The following LINGO2 variants were observed in gnomAD, a reference collection of about 807,000 sequenced individuals.
LINGO2 encodes the protein leucine rich repeat and Ig domain containing 2.
A neutral mutation model predicts 30.6 loss-of-function variants in LINGO2; 14 were observed. The observed-to-expected ratio is 0.46, with a 90% CI of 0.30 to 0.72. The LOEUF is 0.72. Ranked by LOEUF, LINGO2 falls within the 30% of genes least tolerant of loss-of-function variation. The probability of loss-of-function intolerance (pLI) is 0.07; values close to 1 mark genes in which losing one functional copy is unlikely to be tolerated. For missense variants in LINGO2, 729 were observed against 751.7 expected, an observed-to-expected ratio of 0.97 and a Z score of 0.35; for synonymous variants, 317 against 288.5, an observed-to-expected ratio of 1.10 and a Z score of -1.00.
chr9:28,126,287 G>C (rs148091371), intron 4 of LINGO2, among the ~76,000 whole-genome samples: 2 of 152,168 alleles, frequency 1.3e-5, no homozygotes, highest in African/African-American at 2.4e-5. Context: ...CCTAGAATAA[G>C]TACTGAATCA....
the LINGO2 span, among the ~76,000 whole-genome samples, chr9:29,141,466 CAAAAT>C: frequency 6.7e-6 from 1 of 150,140 alleles, no homozygotes; most frequent in Non-Finnish European, 1.5e-5. Context: ...ACAAAAATAA[CAAAAT>C]GAAAAGAAAG....
chr9:28,563,473 T>C (rs1823209020), intron 1 of LINGO2, among the ~76,000 whole-genome samples: 1 of 152,144 alleles, frequency 6.6e-6, no homozygotes, highest in Admixed American at 6.5e-5. Flanking sequence ...AGACAAATTT[T>C]GGCAAGGAAA....
At chr9:28,024,382 G>T (rs1031278763) in intron 4 of LINGO2, among the ~76,000 whole-genome samples, 3 of 152,148 alleles carry the variant, frequency 2.0e-5, no homozygotes, top group Non-Finnish European at 4.4e-5. Context: ...TTGCACAAGG[G>T]AGGTTGAAGC....
At chr9:28,047,525 G>A (rs1824480698) in intron 4 of LINGO2, among the ~76,000 whole-genome samples, 1 of 150,810 alleles carries the variant, frequency 6.6e-6, no homozygotes, top group South Asian at 2.1e-4. Context: ...TAAGAGCATG[G>A]CCTTCAAAGA....
intron 3 of LINGO2, among the ~76,000 whole-genome samples, chr9:28,315,835 C>T (rs921525493): frequency 1.3e-5 from 2 of 152,166 alleles, no homozygotes; most frequent in African/African-American, 4.8e-5. Flanking sequence ...ATGAATATGA[C>T]ATTCAAAGTA....
At chr9:28,322,457 ACACACACACACACACACACACACG>A (rs1825079956) in intron 3 of LINGO2, among the ~76,000 whole-genome samples, 1 of 115,004 alleles carries the variant, frequency 8.7e-6, no homozygotes, top group East Asian at 3.5e-4. Context: ...ACACACACAC[ACACACACACACACACACACACACG>A]TTTACAATAA....
chr9:29,095,439 A>T, the LINGO2 span, among the ~76,000 whole-genome samples: 1 of 137,744 alleles, frequency 7.3e-6, no homozygotes, highest in African/African-American at 2.7e-5. Context: ...AATAATAATA[A>T]TAATAATAAT....
At chr9:28,091,612 G>C (rs1489424664) in intron 4 of LINGO2, among the ~76,000 whole-genome samples, 6 of 152,060 alleles carry the variant, frequency 3.9e-5, no homozygotes, top group African/African-American at 1.4e-4. Context: ...AGAAAACCTA[G>C]GCAATACCAT....
chr9:29,154,106 T>C, the LINGO2 span, among the ~76,000 whole-genome samples: 6 of 152,130 alleles, frequency 3.9e-5, no homozygotes, highest in Non-Finnish European at 8.8e-5. Context: ...GTTAATAGTA[T>C]TTCAGTGAGC....
the LINGO2 span, among the ~76,000 whole-genome samples, chr9:29,010,118 T>C: frequency 6.6e-6 from 1 of 152,224 alleles, no homozygotes; most frequent in African/African-American, 2.4e-5. Context: ...GACACAGGCA[T>C]AGGCAAGGAC....
chr9:28,348,129 G>A (rs559441042), intron 3 of LINGO2, among the ~76,000 whole-genome samples: 2 of 152,192 alleles, frequency 1.3e-5, no homozygotes, highest in South Asian at 2.1e-4. Context: ...CAAAAATGCT[G>A]TTCACGGTGG....
chr9:28,634,274 C>A (rs1223387154), intron 1 of LINGO2, among the ~76,000 whole-genome samples: 2 of 152,056 alleles, frequency 1.3e-5, no homozygotes, highest in Admixed American at 6.6e-5. Flanking sequence ...ATATACACAA[C>A]TGAGGGAATG....
chr9:28,773,974 G>A, the LINGO2 span, among the ~76,000 whole-genome samples: 1 of 151,106 alleles, frequency 6.6e-6, no homozygotes, highest in Admixed American at 6.6e-5. Flanking sequence ...ATATAAGCAA[G>A]GTTAAACTTT....
intron 5 of LINGO2, among the ~76,000 whole-genome samples, chr9:27,978,061 C>T (rs769072758): frequency 1.2e-4 from 19 of 152,046 alleles, no homozygotes; most frequent in Admixed American, 2.6e-4. Context: ...GAAAGGACAT[C>T]CAATAAAAAA....
At chr9:28,104,016 C>A (rs970633155) in intron 4 of LINGO2, among the ~76,000 whole-genome samples, 1 of 151,996 alleles carries the variant, frequency 6.6e-6, no homozygotes, top group African/African-American at 2.4e-5. Flanking sequence ...CCCACTGTAA[C>A]CTCTTTTTTC....
chr9:28,823,505 G>A, the LINGO2 span, among the ~76,000 whole-genome samples: 1 of 152,172 alleles, frequency 6.6e-6, no homozygotes, highest in African/African-American at 2.4e-5. Flanking sequence ...GTTGGCCTTT[G>A]TGACTGCTTT....
chr9:27,974,723 C>T (rs1485022732), intron 5 of LINGO2, among the ~76,000 whole-genome samples: 2 of 151,956 alleles, frequency 1.3e-5, no homozygotes, highest in Non-Finnish European at 2.9e-5. Flanking sequence ...AATTAAAATA[C>T]CTTAAAGTCA....
intron 4 of LINGO2, among the ~76,000 whole-genome samples, chr9:28,120,571 A>T (rs937147232): frequency 6.6e-6 from 1 of 152,208 alleles, no homozygotes; most frequent in Non-Finnish European, 1.5e-5. Context: ...AGGTCTACAA[A>T]TACCCGCCTC....
In LINGO2 at chr9:28,526,204, A is replaced by G. The variant is rs1339837224; in HGVS notation, c.-364-50179T>C. On this transcript the variant is annotated intron_variant, in intron 1 of 5. Coordinates refer to ENST00000379992, the Ensembl canonical transcript of LINGO2. ...AATTGCTATTGGAAAGGTACACCAT[A>G]TTCTGGAAGAATGTTACTTGGAACA... is the stretch of plus-strand genomic sequence containing the variant. 2.0e-5 allele frequency among the ~76,000 whole-genome samples: 3 copies of G among 152,286 alleles called. No homozygotes were observed. The East Asian group carries it at 5.8e-4, about 29-fold the overall frequency.
Sources: allele counts gnomAD v4.1 joint callset (sites outside exome capture counted in the v4.1 genomes callset), GRCh38; gene constraint gnomAD v4.1.1; transcripts MANE v1.5; gene names NCBI Gene and HGNC (gene_info 2026-07-23, HGNC 2026-07-21).